BTBD9: variants seen among roughly 807,000 people sequenced by gnomAD.
The protein encoded by BTBD9 is BTB/POZ domain-containing protein 9.
A neutral mutation model predicts 64.3 loss-of-function variants in BTBD9; 49 were observed. That is an observed-to-expected ratio of 0.76 (90% CI 0.61 to 0.97). The LOEUF (loss-of-function observed/expected upper bound fraction) is 0.97, where lower values mean the gene tolerates loss of function less well. Among genes scored for constraint, BTBD9 ranks in the 50% least tolerant of loss-of-function variants. BTBD9 has a pLI of 0.00. For missense variants in BTBD9, 598 were observed against 762.1 expected, an observed-to-expected ratio of 0.78 and a Z score of 2.53; for synonymous variants, 260 against 274.7, an observed-to-expected ratio of 0.95 and a Z score of 0.53.
intron 6 of BTBD9, among the ~76,000 whole-genome samples, chr6:38,508,793 C>G (rs183275585): frequency 2.0e-5 from 3 of 152,252 alleles, no homozygotes; most frequent in African/African-American, 7.2e-5. Context: ...TTCTTGCAGT[C>G]CATACATGTT....
At chr6:38,627,603 A>G (rs1778216291) in intron 1 of BTBD9, among the ~76,000 whole-genome samples, 1 of 152,158 alleles carries the variant, frequency 6.6e-6, no homozygotes, top group Admixed American at 6.5e-5. Flanking sequence ...CAATGAACCA[A>G]TGGTAAGCTG....
chr6:38,554,576 AT>A (rs1453979479), intron 6 of BTBD9, among the ~76,000 whole-genome samples: 1 of 152,204 alleles, frequency 6.6e-6, no homozygotes, highest in Non-Finnish European at 1.5e-5. Context: ...TAATCTTCTG[AT>A]TTTATTAGAA....
chr6:38,546,378 T>C (rs1774555549), intron 6 of BTBD9, among the ~76,000 whole-genome samples: 2 of 152,234 alleles, frequency 1.3e-5, no homozygotes, highest in South Asian at 4.1e-4. Context: ...ACCTCAATTA[T>C]TTAAGCCAAA....
At chr6:38,519,391 G>C (rs1179867970) in intron 6 of BTBD9, among the ~76,000 whole-genome samples, 1 of 152,166 alleles carries the variant, frequency 6.6e-6, no homozygotes, top group African/African-American at 2.4e-5. Flanking sequence ...AAAGTATACT[G>C]ATAGCTGCAA....
At chr6:38,226,202 G>C (rs907566722) in intron 9 of BTBD9, among the ~76,000 whole-genome samples, 2 of 152,178 alleles carry the variant, frequency 1.3e-5, no homozygotes, top group Non-Finnish European at 2.9e-5. Flanking sequence ...GTTTCAAAGG[G>C]GGGTGGGAGT....
rs542538750 is a variant in BTBD9 at position 38,228,873 on chromosome 6, A to AAAAAAC, written c.1562+27530_1562+27535dup. 3.1e-4 allele frequency among the ~76,000 whole-genome samples: 46 copies of AAAAAAC among 149,926 alleles called. 1 individual carries two copies. The East Asian group carries it at 7.4e-3, about 24-fold the overall frequency. On this transcript the variant is annotated intron_variant, in intron 9 of 10. Transcript: ENST00000481247. ...CAGCGGCAGAGCGAGGCTCCGTCTC[A>AAAAAAC]AAAAACAAAAACAAAAACAAAAACA...
At chr6:38,208,928 T>G (rs546700310) in intron 9 of BTBD9, among the ~76,000 whole-genome samples, 1 of 152,348 alleles carries the variant, frequency 6.6e-6, no homozygotes, top group South Asian at 2.1e-4. Flanking sequence ...AGTGATTGTT[T>G]TGGCCACACG....
At chr6:38,413,426 C>A (rs1378792216) in intron 6 of BTBD9, among the ~76,000 whole-genome samples, 1 of 152,170 alleles carries the variant, frequency 6.6e-6, no homozygotes, top group East Asian at 1.9e-4. Flanking sequence ...TAAGAGCTGG[C>A]ATCCAATTTT....
chr6:38,567,570 C>T (rs1173575252), intron 6 of BTBD9, among the ~76,000 whole-genome samples: 1 of 152,194 alleles, frequency 6.6e-6, no homozygotes, highest in African/African-American at 2.4e-5. Flanking sequence ...GTGCTACCAC[C>T]GTTCCTTGCA....
intron 1 of BTBD9, among the ~76,000 whole-genome samples, chr6:38,635,640 C>G (rs1413044232): frequency 6.6e-6 from 1 of 152,132 alleles, no homozygotes; most frequent in East Asian, 1.9e-4. Flanking sequence ...GTTCAGCCCC[C>G]TTCCCTCTCT....
intron 6 of BTBD9, among the ~76,000 whole-genome samples, chr6:38,530,724 C>A (rs965813496): frequency 6.6e-6 from 1 of 151,614 alleles, no homozygotes. Flanking sequence ...GGAAGCTCAA[C>A]GAAATCCAAG....
chr6:38,177,608 G>T (rs1581997788), intron 10 of BTBD9, among the ~76,000 whole-genome samples: 1 of 152,254 alleles, frequency 6.6e-6, no homozygotes, highest in East Asian at 1.9e-4. Context: ...ATCAGGGCGG[G>T]TCTCTGCTCC....
intron 9 of BTBD9, among the ~76,000 whole-genome samples, chr6:38,196,884 A>T (rs1425736111): frequency 6.6e-6 from 1 of 152,250 alleles, no homozygotes; most frequent in African/African-American, 2.4e-5. Context: ...AATTTAACCC[A>T]TAATGAAGCT....
chr6:38,314,632 A>C (rs1762967412), intron 7 of BTBD9, among the ~76,000 whole-genome samples: 1 of 151,708 alleles, frequency 6.6e-6, no homozygotes, highest in Admixed American at 6.6e-5. Context: ...TTTCTTTGGG[A>C]GACTTTTTAT....
chr6:38,302,501 A>G lies in BTBD9; in HGVS notation c.1265-14040T>C, dbSNP rs1245939896. Among the ~76,000 whole-genome samples the G allele has an allele frequency of 3.2e-3, 419 of 129,170 alleles. 8 individuals carry two copies. Among genetic ancestry groups the G allele is most frequent in the South Asian group, 0.013 (56 of 4,262 alleles). 84.7% of individuals were successfully genotyped at this position (129,170 alleles called of 152,430 possible). A position where few individuals can be genotyped will look rare whatever the true frequency, so the allele number is the denominator to read the frequency against. ...TGTGTGTATGTATATATATATATAT[A>G]TATATATATATATATATATATATCA... On this transcript the variant is annotated intron_variant, in intron 7 of 10. Coordinates refer to ENST00000481247, the MANE Select transcript of BTBD9 (RefSeq NM_001099272.2).
intron 10 of BTBD9, among the ~76,000 whole-genome samples, chr6:38,180,260 T>G (rs1283738917): frequency 2.0e-5 from 3 of 152,176 alleles, no homozygotes; most frequent in Non-Finnish European, 1.5e-5. Flanking sequence ...AAAGCAAGCC[T>G]GTCGTGGGGA....
At chr6:38,450,561 A>C (rs1031903317) in intron 6 of BTBD9, among the ~76,000 whole-genome samples, 1 of 152,192 alleles carries the variant, frequency 6.6e-6, no homozygotes, top group African/African-American at 2.4e-5. Context: ...AGAAAGAAAA[A>C]AAAGAAGATG....
At chr6:38,372,518 C>G (rs899934288) in intron 6 of BTBD9, among the ~76,000 whole-genome samples, 1 of 152,204 alleles carries the variant, frequency 6.6e-6, no homozygotes, top group Non-Finnish European at 1.5e-5. Context: ...AAAAATAACA[C>G]TTTTAAGTAT....
chr6:38,269,186 A>T (rs1397683402), intron 8 of BTBD9, among the ~76,000 whole-genome samples: 1 of 152,234 alleles, frequency 6.6e-6, no homozygotes, highest in Non-Finnish European at 1.5e-5. Flanking sequence ...AAAAGAGAAC[A>T]TTAATGAGAA....
Sources: allele counts gnomAD v4.1 joint callset (sites outside exome capture counted in the v4.1 genomes callset), GRCh38; gene constraint gnomAD v4.1.1; transcripts MANE v1.5; gene names NCBI Gene and HGNC (gene_info 2026-07-23, HGNC 2026-07-21).